MARCHF1: variants seen among roughly 807,000 people sequenced by gnomAD.
MARCHF1 encodes the protein E3 ubiquitin-protein ligase MARCHF1.
In MARCHF1, 40 loss-of-function variants were observed where a neutral mutation model predicts 54.2. The ratio of observed to expected loss-of-function variants is 0.74; its 90% CI spans 0.57 to 0.96. MARCHF1 has a LOEUF of 0.96. Ranked by LOEUF, MARCHF1 falls within the 40% of genes least tolerant of loss-of-function variation. The pLI is 0.00. For missense variants in MARCHF1, 586 were observed against 656.5 expected (o/e 0.89, Z 1.17); for synonymous variants, 236 against 236.3 (o/e 1.00, Z 0.01).
intron 9 of MARCHF1, among the ~76,000 whole-genome samples, chr4:163,540,222 CTTT>C (rs10585625): frequency 0.02 from 3,098 of 152,220 alleles, 103 homozygotes; most frequent in African/African-American, 0.071. Context: ...TGTCTAAAAG[CTTT>C]TTTAAATCAA....
At chr4:163,594,759 A>C (rs11100511) in intron 7 of MARCHF1, among the ~76,000 whole-genome samples, 2,985 of 65,656 alleles carry the variant, frequency 0.045, 92 homozygotes, top group African/African-American at 0.11. Context: ...TCAAAACACA[A>C]ACACACACAC....
At chr4:163,952,524 C>A (rs1018289683) in intron 3 of MARCHF1, among the ~76,000 whole-genome samples, 2 of 152,138 alleles carry the variant, frequency 1.3e-5, no homozygotes, top group Non-Finnish European at 2.9e-5. Flanking sequence ...CGTTTCTCAG[C>A]ATGCATACCA....
intron 1 of MARCHF1, among the ~76,000 whole-genome samples, chr4:164,264,272 C>T (rs1356630399): frequency 1.3e-5 from 2 of 152,034 alleles, no homozygotes; most frequent in Non-Finnish European, 2.9e-5. Flanking sequence ...CAGTTATCAG[C>T]GGGAGCTAAA....
chr4:163,550,797 C>G (rs1409234645), intron 8 of MARCHF1, among the ~76,000 whole-genome samples: 1 of 152,176 alleles, frequency 6.6e-6, no homozygotes, highest in Non-Finnish European at 1.5e-5. Context: ...CTAGAGGACC[C>G]ATTCATATGA....
rs1473333073 is a variant in MARCHF1, at chr4:164,087,874, G to GCTGGAAT, written c.-248+23707_-248+23713dup. Among the ~76,000 whole-genome samples the GCTGGAAT allele has an allele frequency of 2.9e-4, 44 of 151,448 alleles. 1 individual carries two copies. The highest frequency in any genetic ancestry group is 8.8e-5 in the Non-Finnish European group (6 of 67,916). On this transcript the variant is annotated intron_variant, in intron 2 of 9. Coordinates refer to ENST00000514618, the MANE Select transcript of MARCHF1 (RefSeq NM_001394959.1). ...TCCAAGCTAAAATACATAAAACCCA[G>GCTGGAAT]CTGGAATCTGTCATGCTTTGTCCGC...
At chr4:164,007,642 C>CTG (rs1328483973) in intron 2 of MARCHF1, among the ~76,000 whole-genome samples, 2 of 96,270 alleles carry the variant, frequency 2.1e-5, no homozygotes, top group East Asian at 2.8e-4. Flanking sequence ...CTCTCTCTCT[C>CTG]TCTCTGTGTG....
chr4:163,905,494 C>G (rs1751045364), intron 3 of MARCHF1, among the ~76,000 whole-genome samples: 1 of 151,970 alleles, frequency 6.6e-6, no homozygotes, highest in Non-Finnish European at 1.5e-5. Flanking sequence ...CATATATTTT[C>G]AAGGATATAT....
chr4:164,095,431 C>A, intron 2 of MARCHF1, among the ~76,000 whole-genome samples: 1 of 151,912 alleles, frequency 6.6e-6, no homozygotes, highest in Non-Finnish European at 1.5e-5. Context: ...CACACACACA[C>A]ACACACCAAC....
intron 1 of MARCHF1, among the ~76,000 whole-genome samples, chr4:164,267,278 T>A (rs555722740): frequency 3.0e-4 from 45 of 152,302 alleles, no homozygotes; most frequent in Admixed American, 8.5e-4. Flanking sequence ...TATAATCTCT[T>A]CCCTATAATA....
chr4:164,101,988 G>T (rs1255313519), intron 2 of MARCHF1, among the ~76,000 whole-genome samples: 1 of 130,748 alleles, frequency 7.6e-6, no homozygotes, highest in Non-Finnish European at 1.6e-5. Context: ...AGGAGCCGAT[G>T]CAATCAACTG....
chr4:163,586,850 A>G (rs182590734), intron 7 of MARCHF1, among the ~76,000 whole-genome samples: 310 of 152,348 alleles, frequency 2.0e-3, no homozygotes, highest in Admixed American at 4.7e-3. Context: ...ATTTTAAAGT[A>G]TAATGAAGGA....
chr4:163,724,318 A>AGAACAGCGAATATTGCT (rs1745582042), intron 4 of MARCHF1, among the ~76,000 whole-genome samples: 1 of 152,250 alleles, frequency 6.6e-6, no homozygotes, highest in African/African-American at 2.4e-5. Context: ...CAGAGGCTGC[A>AGAACAGCGAATATTGCT]GAACAGCGAA....
intron 3 of MARCHF1, among the ~76,000 whole-genome samples, chr4:163,910,546 G>A (rs986313797): frequency 5.3e-5 from 8 of 152,174 alleles, no homozygotes; most frequent in Non-Finnish European, 8.8e-5. Context: ...CCAGGCAGAA[G>A]TGCAATGGCG....
At chr4:163,777,652 T>G (rs966159985) in intron 4 of MARCHF1, among the ~76,000 whole-genome samples, 5 of 152,130 alleles carry the variant, frequency 3.3e-5, no homozygotes, top group African/African-American at 1.2e-4. Context: ...TTCTTAAAAA[T>G]TTTTAGGGGT....
At chr4:164,135,211 C>T (rs566708722) in intron 1 of MARCHF1, among the ~76,000 whole-genome samples, 1 of 152,284 alleles carries the variant, frequency 6.6e-6, no homozygotes, top group East Asian at 1.9e-4. Flanking sequence ...GGAAACACAA[C>T]CCACAGCAAT....
At chr4:164,092,087 G>T (rs1755316833) in intron 2 of MARCHF1, among the ~76,000 whole-genome samples, 1 of 152,068 alleles carries the variant, frequency 6.6e-6, no homozygotes, top group Admixed American at 6.6e-5. Context: ...GGCTTACTTG[G>T]CTACTGCTGT....
intron 1 of MARCHF1, among the ~76,000 whole-genome samples, chr4:164,182,107 C>A (rs901208690): frequency 5.3e-5 from 8 of 151,940 alleles, no homozygotes; most frequent in Non-Finnish European, 1.0e-4. Flanking sequence ...ATTACATTGA[C>A]AAATAATTAA....
chr4:163,650,314 A>G (rs928655200), intron 5 of MARCHF1, among the ~76,000 whole-genome samples: 2 of 152,026 alleles, frequency 1.3e-5, no homozygotes, highest in Admixed American at 1.3e-4. Flanking sequence ...TAAAGGTTAG[A>G]AGTAAATATT....
intron 1 of MARCHF1, among the ~76,000 whole-genome samples, chr4:164,276,947 TAGAG>T (rs869098740): frequency 8.4e-6 from 1 of 118,824 alleles, no homozygotes; most frequent in Non-Finnish European, 1.9e-5. Context: ...TATATATATA[TAGAG>T]AGAGAGAGAG....
Sources: allele counts gnomAD v4.1 joint callset (sites outside exome capture counted in the v4.1 genomes callset), GRCh38; gene constraint gnomAD v4.1.1; transcripts MANE v1.5; gene names NCBI Gene and HGNC (gene_info 2026-07-23, HGNC 2026-07-21).